Variants in ZSWIM2 observed in about 807,000 individuals in gnomAD.
ZSWIM2 encodes zinc finger SWIM-type containing 2, also known as E3 ubiquitin-protein ligase ZSWIM2.
ZSWIM2 carries 38 observed loss-of-function variants against 48.4 expected under a neutral mutation model. That is an observed-to-expected ratio of 0.79 (90% CI 0.61 to 1.03). ZSWIM2 has a LOEUF of 1.03. Ranked by LOEUF, ZSWIM2 falls within the 50% of genes least tolerant of loss-of-function variation. The pLI is 0.00. For missense variants in ZSWIM2, 776 were observed against 730.2 expected (o/e 1.06, Z -0.72); for synonymous variants, 240 against 251.3 (o/e 0.96, Z 0.42).
Position 186,837,402 on chromosome 2 carries a change from T to C in ZSWIM2, c.647A>G (p.Lys216Arg), listed in dbSNP as rs759588764. The C allele has an allele frequency of 5.1e-5, 83 of 1,612,828 alleles. No individual in the cohort carries two copies. Among genetic ancestry groups the C allele is most frequent in the Non-Finnish European group, 6.5e-5 (77 of 1,179,284 alleles). ...LILEEFKNSS[K>R]LVAAAEKERL... ...CTCTTTTTCTGCTGCAGCTACTAGTTTGCTAGAGTTTTTGAATTCCTCCAA... is the reference window on the plus strand; with the variant it reads ...CTCTTTTTCTGCTGCAGCTACTAGTCTGCTAGAGTTTTTGAATTCCTCCAA... Residue 216 changes from lysine (K) to arginine (R), a missense_variant, in exon 5 of 9, where the codon AAA becomes AGA. Transcript: ENST00000295131.
intron 1 of ZSWIM2, 21 bp from the exon 2 acceptor site, chr2:186,847,816 C>T (rs368352541): frequency 8.0e-5 from 125 of 1,568,486 alleles, no homozygotes; most frequent in Non-Finnish European, 1.0e-4. Context: ...AAAATGCATA[C>T]TTAAAAAGAC....
At chr2:186,840,832 T>C (rs1485405417) in intron 3 of ZSWIM2, among the ~76,000 whole-genome samples, 1 of 151,518 alleles carries the variant, frequency 6.6e-6, no homozygotes, top group Non-Finnish European at 1.5e-5. Flanking sequence ...TAACAAAATT[T>C]AATAAAGCCA....
Position 186,828,194 on chromosome 2 carries a change from TCTTA to T in ZSWIM2, c.1688_1691del (p.Ile563LysfsTer54), listed in dbSNP as rs755152281. 2.5e-6 allele frequency: 4 copies of T among 1,613,638 alleles called. No homozygotes were observed. The Admixed American group carries it at 6.7e-5, about 27-fold the overall frequency. On this transcript the variant is annotated frameshift_variant, in exon 9 of 9. Coordinates refer to ENST00000295131, the MANE Select transcript of ZSWIM2 (RefSeq NM_182521.3). LOFTEE classifies it low-confidence loss of function (END_TRUNC). Reference sequence around the variant, plus strand: ...GTAAAGTTGATCTCTTGTTGTCCTCTCTTATTTTAGTGGCAGGAGTCTTCTTTAG... The same window carrying T: ...GTAAAGTTGATCTCTTGTTGTCCTCTTTTTAGTGGCAGGAGTCTTCTTTAG...
chr2:186,831,823 A>G (rs1691705042), intron 7 of ZSWIM2, among the ~76,000 whole-genome samples: 1 of 152,094 alleles, frequency 6.6e-6, no homozygotes, highest in Non-Finnish European at 1.5e-5. Context: ...GGAATTGAAC[A>G]ATGGGAACAC....
At chr2:186,847,868 G>T (rs1227903748) in intron 1 of ZSWIM2, 73 bp from the exon 2 acceptor site, 1 of 1,035,498 alleles carries the variant, frequency 9.7e-7, no homozygotes, top group African/African-American at 1.6e-5. Flanking sequence ...GTTAATAAAA[G>T]AGATTTGAAG....
chr2:186,845,244 A>G (rs760892322), intron 2 of ZSWIM2, among the ~76,000 whole-genome samples: 28 of 151,476 alleles, frequency 1.8e-4, no homozygotes, highest in Non-Finnish European at 2.8e-4. Flanking sequence ...TGCCTATTAA[A>G]TTATTATTCA....
Position 186,828,021 on chromosome 2 carries a change from G to C in ZSWIM2, c.1865C>G (p.Thr622Ser). 2 of 1,608,728 alleles carry C rather than the reference G, an allele frequency of 1.2e-6. No individual in the cohort carries two copies. Among genetic ancestry groups the C allele is most frequent in the African/African-American group, 1.3e-5 (1 of 74,728 alleles). Reference sequence around the variant, plus strand: ...TCCTTCTATTATTAAAGATAGCTCAGTACTTTTTGTATTTACAGAGTGAGA... The same window carrying C: ...TCCTTCTATTATTAAAGATAGCTCACTACTTTTTGTATTTACAGAGTGAGA... ...PVSHSVNTKSTELSLIIEGVQ... is the reference protein window; with the variant it reads ...PVSHSVNTKSSELSLIIEGVQ... The change falls in exon 9 of 9, where the codon ACT (threonine) becomes AGT (serine). Residue 622 changes from threonine to serine, a missense_variant. Transcript: ENST00000295131.
chr2:186,832,594 C>G (rs1446027440), intron 7 of ZSWIM2, among the ~76,000 whole-genome samples: 1 of 152,048 alleles, frequency 6.6e-6, no homozygotes, highest in Non-Finnish European at 1.5e-5. Context: ...TTTCTTCCCC[C>G]AAAGGCCAAT....
intron 3 of ZSWIM2, among the ~76,000 whole-genome samples, chr2:186,840,052 C>G (rs1289153533): frequency 1.3e-5 from 2 of 151,452 alleles, no homozygotes; most frequent in Non-Finnish European, 3.0e-5. Flanking sequence ...AAGACCCCCC[C>G]CAACTAAACA....
At chr2:186,842,180 A>G (rs1465823624) in intron 3 of ZSWIM2, among the ~76,000 whole-genome samples, 1 of 151,382 alleles carries the variant, frequency 6.6e-6, no homozygotes, top group African/African-American at 2.4e-5. Context: ...TTCCATTACA[A>G]GTAACATTCC....
At chr2:186,844,946 G>A (rs1691969946) in intron 2 of ZSWIM2, among the ~76,000 whole-genome samples, 189 bp from the exon 3 acceptor site, 1 of 151,484 alleles carries the variant, frequency 6.6e-6, no homozygotes, top group African/African-American at 2.4e-5. Flanking sequence ...ATAAGCATAT[G>A]TGAAAAAAGT....
At chr2:186,837,268 A>G in intron 5 of ZSWIM2, 38 bp downstream of exon 5, 1 of 1,600,626 alleles carries the variant, frequency 6.2e-7, no homozygotes, top group East Asian at 2.2e-5. Context: ...AAAAAAATAA[A>G]AAAGAACACA....
At chr2:186,836,164 C>G (rs1337570910) in intron 5 of ZSWIM2, among the ~76,000 whole-genome samples, 2 of 152,020 alleles carry the variant, frequency 1.3e-5, no homozygotes, top group Non-Finnish European at 2.9e-5. Flanking sequence ...TGTCCCAGCC[C>G]CCACTTTTAC....
At position 186,828,278 on chromosome 2, in the gene ZSWIM2, T is replaced by A. The variant is rs1161971303; in HGVS notation, c.1608A>T (p.Lys536Asn). 3.7e-6 allele frequency: 6 copies of A among 1,613,570 alleles called. No homozygotes were observed. The highest frequency in any genetic ancestry group is 5.1e-6 in the Non-Finnish European group (6 of 1,179,826). The change falls in exon 9 of 9, where the codon AAA (lysine) becomes AAT (asparagine). Residue 536 changes from lysine to asparagine, a missense_variant. By Grantham distance (94) the Lys-to-Asn change is moderately conservative (BLOSUM62 0). Coordinates refer to ENST00000295131, the MANE Select transcript of ZSWIM2 (RefSeq NM_182521.3). ...TCATCCGGCTTAGACTAGTGTGAAATTTTCCACTGATGCATGGACTTTCCA... is the reference window on the plus strand; with the variant it reads ...TCATCCGGCTTAGACTAGTGTGAAAATTTCCACTGATGCATGGACTTTCCA... ...TAMESPCISG[K>N]FHTSLSRMTK...
At chr2:186,834,279 A>C (rs1180518086) in intron 5 of ZSWIM2, among the ~76,000 whole-genome samples, 1 of 152,128 alleles carries the variant, frequency 6.6e-6, no homozygotes, top group Non-Finnish European at 1.5e-5. Context: ...AATGTGTTAA[A>C]ACCAAGGGGT....
intron 4 of ZSWIM2, among the ~76,000 whole-genome samples, chr2:186,838,150 T>G (rs1316923397): frequency 6.6e-6 from 1 of 151,424 alleles, no homozygotes; most frequent in Non-Finnish European, 1.5e-5. Context: ...CTGTCCAAAT[T>G]TTTCAAGTCC....
chr2:186,841,637 G>T (rs1459580511), intron 3 of ZSWIM2, among the ~76,000 whole-genome samples: 1 of 151,256 alleles, frequency 6.6e-6, no homozygotes, highest in Non-Finnish European at 1.5e-5. Flanking sequence ...GTGGAAGAAT[G>T]TTAAATTGCT....
At chr2:186,830,331 G>A (rs913776910) in intron 7 of ZSWIM2, among the ~76,000 whole-genome samples, 28 of 152,092 alleles carry the variant, frequency 1.8e-4, no homozygotes, top group African/African-American at 2.7e-4. Context: ...GCAGTGAGCC[G>A]AGATCACGGC....
Position 186,837,380 on chromosome 2 carries a change from T to G in ZSWIM2, c.669A>C (p.Lys223Asn). ...TCCCAAGGTGTTTGTCCAGTCTCTC[T>G]TTTTCTGCTGCAGCTACTAGTTTGC... The part of the protein sequence containing the change: ...NSSKLVAAAE[K>N]ERLDKHLGIP... The change falls in exon 5 of 9, where the codon AAA becomes AAC. Residue 223 changes from lysine (K) to asparagine (N), a missense_variant. Coordinates refer to ENST00000295131, the MANE Select transcript of ZSWIM2 (RefSeq NM_182521.3). 1 of 1,613,014 alleles carries G rather than the reference T, an allele frequency of 6.2e-7. No homozygotes were observed. Among genetic ancestry groups the G allele is most frequent in the South Asian group, 1.1e-5 (1 of 91,056 alleles).
Sources: allele counts gnomAD v4.1 joint callset (sites outside exome capture counted in the v4.1 genomes callset), GRCh38; gene constraint gnomAD v4.1.1; transcripts MANE v1.5; gene names NCBI Gene and HGNC (gene_info 2026-07-23, HGNC 2026-07-21).